The following MTREX variants were observed in gnomAD, a reference collection of about 807,000 sequenced individuals.
MTREX encodes Mtr4 exosome RNA helicase, also known as exosome RNA helicase MTR4.
MTREX carries 76 observed loss-of-function variants against 135.4 expected under a neutral mutation model. That is an observed-to-expected ratio of 0.56 (90% CI 0.47 to 0.68). The LOEUF (loss-of-function observed/expected upper bound fraction) is 0.68, where lower values mean the gene tolerates loss of function less well. Ranked by LOEUF, MTREX falls within the 30% of genes least tolerant of loss-of-function variation. MTREX has a pLI of 0.00. For missense variants in MTREX, 920 were observed against 1,262.1 expected, an observed-to-expected ratio of 0.73 and a Z score of 4.11; for synonymous variants, 404 against 401.6, an observed-to-expected ratio of 1.01 and a Z score of -0.07.
Position 55,344,624 on chromosome 5 carries a change from A to G in MTREX, c.1005+4A>G, listed in dbSNP as rs1241420734. On this transcript the variant is annotated splice_donor_region_variant and intron_variant, in intron 9 of 26. Coordinates refer to ENST00000230640, the MANE Select transcript of MTREX (RefSeq NM_015360.5). ...GCATCTTGTGGTTGATGAAAATGTA[A>G]GAGAGTAATTGTCCTTTTTAAATCT... is the stretch of plus-strand genomic sequence containing the variant. The G allele has an allele frequency of 1.3e-6, 2 of 1,540,192 alleles. No homozygotes were observed. The highest frequency in any genetic ancestry group is 1.4e-5 in the African/African-American group (1 of 73,266).
intron 6 of MTREX, 50 bp from the exon 7 acceptor site, chr5:55,341,631 A>C (rs750289591): frequency 1.1e-6 from 1 of 939,408 alleles, no homozygotes; most frequent in African/African-American, 1.7e-5. Flanking sequence ...TCTAACTATT[A>C]GCTGTTATGT....
intron 18 of MTREX, among the ~76,000 whole-genome samples, chr5:55,384,157 C>A (rs1750441898): frequency 6.6e-6 from 1 of 152,122 alleles, no homozygotes; most frequent in Non-Finnish European, 1.5e-5. Flanking sequence ...TTAATGGTGT[C>A]CTATATTTCT....
At chr5:55,331,604 A>G (rs1014340280) in intron 5 of MTREX, among the ~76,000 whole-genome samples, 3 of 152,158 alleles carry the variant, frequency 2.0e-5, no homozygotes, top group Non-Finnish European at 1.5e-5. Flanking sequence ...TTATTCACGG[A>G]TCATTACTAC....
At chr5:55,312,128 T>C (rs1397560711) in intron 1 of MTREX, among the ~76,000 whole-genome samples, 1 of 152,254 alleles carries the variant, frequency 6.6e-6, no homozygotes, top group Non-Finnish European at 1.5e-5. Context: ...ACTTCACTAG[T>C]ACTTGCACAG....
At chr5:55,389,650 A>G (rs1750533557) in intron 19 of MTREX, among the ~76,000 whole-genome samples, 1 of 152,174 alleles carries the variant, frequency 6.6e-6, no homozygotes, top group Admixed American at 6.5e-5. Flanking sequence ...ACTTGTAGGA[A>G]CATGAGTACC....
At chr5:55,421,692 T>C (rs1751058365) in intron 25 of MTREX, among the ~76,000 whole-genome samples, 3 of 152,210 alleles carry the variant, frequency 2.0e-5, no homozygotes, top group Admixed American at 2.0e-4. Context: ...AAAACAATGT[T>C]TGAGAATGTG....
rs571952550 is a variant in MTREX at position 55,362,352 on chromosome 5, TTTTTTTGTTTGTTTG to T, written c.1659+3665_1659+3679del. 2.0e-3 allele frequency among the ~76,000 whole-genome samples: 304 copies of T among 151,956 alleles called. 1 individual carries two copies. Among genetic ancestry groups the T allele is most frequent in the African/African-American group, 7.2e-3 (298 of 41,422 alleles). On this transcript the variant is annotated intron_variant, in intron 15 of 26. Coordinates refer to ENST00000230640, the MANE Select transcript of MTREX (RefSeq NM_015360.5). ...TGACATAAGGCAGCAGTTTTTTTGTTTTTTTTGTTTGTTTGTTTTTTGTTTTGAGACAGTTTCTCG... is the reference window on the plus strand; with the variant it reads ...TGACATAAGGCAGCAGTTTTTTTGTTTTTTTTGTTTTGAGACAGTTTCTCG...
chr5:55,399,967 C>T (rs995389484), intron 20 of MTREX, among the ~76,000 whole-genome samples: 3 of 152,096 alleles, frequency 2.0e-5, no homozygotes, highest in Admixed American at 2.0e-4. Context: ...AGTTGTGCCA[C>T]GTTCAGGACT....
intron 5 of MTREX, among the ~76,000 whole-genome samples, chr5:55,334,635 T>C (rs1213231839): frequency 6.6e-6 from 1 of 152,132 alleles, no homozygotes; most frequent in Admixed American, 6.6e-5. Flanking sequence ...CATAAATATG[T>C]ATTTGAGTGA....
At chr5:55,396,663 A>G (rs867206127) in intron 19 of MTREX, among the ~76,000 whole-genome samples, 2 of 152,228 alleles carry the variant, frequency 1.3e-5, no homozygotes, top group Middle Eastern at 3.2e-3. Flanking sequence ...GTGCAAGGTC[A>G]CACAACTAGC....
Position 55,338,792 on chromosome 5 carries a change from T to TC in MTREX, c.516-1218_516-1217insC, listed in dbSNP as rs1488268954. Among the ~76,000 whole-genome samples the TC allele has an allele frequency of 5.1e-3, 703 of 138,950 alleles. 16 individuals carry two copies. The highest frequency in any genetic ancestry group is 0.018 in the African/African-American group (667 of 36,812). The allele number at this position is 138,950 out of a possible 152,430, so 91.2% of individuals were successfully genotyped here. ...ATCTGTAGACTTTCTTTTTCTTTTTTTTTTTTTTTTTTTTTTGAGACACAG... is the reference window on the plus strand; with the variant it reads ...ATCTGTAGACTTTCTTTTTCTTTTTTCTTTTTTTTTTTTTTTTGAGACACAG... On this transcript the variant is annotated intron_variant, in intron 5 of 26. Coordinates refer to ENST00000230640, the MANE Select transcript of MTREX (RefSeq NM_015360.5).
chr5:55,380,804 T>C (rs1750384342), intron 18 of MTREX, among the ~76,000 whole-genome samples: 1 of 152,158 alleles, frequency 6.6e-6, no homozygotes, highest in Non-Finnish European at 1.5e-5. Flanking sequence ...GGTATTAGGG[T>C]AATGCAGGCC....
intron 26 of MTREX, 111 bp downstream of exon 26, chr5:55,423,093 G>C: frequency 1.3e-6 from 1 of 742,064 alleles, no homozygotes; most frequent in South Asian, 1.7e-5. Flanking sequence ...TCACTGCATT[G>C]TCATGGAGAG....
chr5:55,366,740 C>T lies in MTREX; in HGVS notation c.1675C>T (p.Leu559=). ...KQLLKGSADP[L]NSAFHLTYNM... The stretch of plus-strand genomic sequence containing the variant: ...TCTCTCTTAGGGCTCCGCTGATCCT[C>T]TAAATAGTGCTTTCCATTTGACCTA... The change falls in exon 16 of 27, where the codon CTA becomes TTA. Residue 559 remains leucine, a synonymous_variant. Coordinates refer to ENST00000230640, the MANE Select transcript of MTREX (RefSeq NM_015360.5). 1 of 1,598,478 alleles carries T rather than the reference C, an allele frequency of 6.3e-7. No homozygotes were observed. Among genetic ancestry groups the T allele is most frequent in the South Asian group, 1.2e-5 (1 of 86,954 alleles).
intron 16 of MTREX, among the ~76,000 whole-genome samples, chr5:55,370,777 G>A (rs192785603): frequency 6.6e-6 from 1 of 152,104 alleles, no homozygotes; most frequent in Non-Finnish European, 1.5e-5. Flanking sequence ...CCTATTTTCA[G>A]TCATTACTTG....
chr5:55,323,189 A>G (rs1749316310), intron 2 of MTREX, among the ~76,000 whole-genome samples: 1 of 152,168 alleles, frequency 6.6e-6, no homozygotes, highest in Admixed American at 6.5e-5. Context: ...CCATTTTCCC[A>G]GGCTACTATA....
At chr5:55,313,273 C>CAAAA (rs34340973) in intron 1 of MTREX, among the ~76,000 whole-genome samples, 1 of 97,056 alleles carries the variant, frequency 1.0e-5, no homozygotes, top group African/African-American at 3.7e-5. Context: ...CCTGTCTCTA[C>CAAAA]AAAAAAAAAA....
At chr5:55,401,977 C>T (rs1038713639) in intron 21 of MTREX, among the ~76,000 whole-genome samples, 5 of 152,116 alleles carry the variant, frequency 3.3e-5, no homozygotes, top group Non-Finnish European at 7.4e-5. Flanking sequence ...TTTTAAGCTC[C>T]TTAGAGTCAG....
intron 18 of MTREX, among the ~76,000 whole-genome samples, chr5:55,383,489 A>C (rs190193698): frequency 5.4e-4 from 82 of 151,780 alleles, no homozygotes; most frequent in Admixed American, 5.0e-3. Context: ...GAATATGTCA[A>C]CTCATTGCTT....
Sources: allele counts gnomAD v4.1 joint callset (sites outside exome capture counted in the v4.1 genomes callset), GRCh38; gene constraint gnomAD v4.1.1; transcripts MANE v1.5; gene names NCBI Gene and HGNC (gene_info 2026-07-23, HGNC 2026-07-21).